TERB2: variants seen among roughly 807,000 people sequenced by gnomAD.
The protein encoded by TERB2 is telomere repeat binding bouquet formation protein 2, also known as telomere repeats-binding bouquet formation protein 2.
Under a neutral mutation model 29.8 loss-of-function variants are expected in TERB2, and 26 were observed. That is an observed-to-expected ratio of 0.87 (90% CI 0.64 to 1.21). The LOEUF (loss-of-function observed/expected upper bound fraction) is 1.21, where lower values mean the gene tolerates loss of function less well. Among genes scored for constraint, TERB2 ranks in the 50% most tolerant of loss-of-function variants. The pLI is 0.00. For synonymous variants in TERB2, 80 were observed against 90.8 expected, an observed-to-expected ratio of 0.88 and a Z score of 0.68; for missense variants, 240 against 268.6, an observed-to-expected ratio of 0.89 and a Z score of 0.74.
intron 6 of TERB2, among the ~76,000 whole-genome samples, chr15:44,974,431 A>T (rs1020714481): frequency 1.3e-5 from 2 of 152,186 alleles, no homozygotes; most frequent in Non-Finnish European, 2.9e-5. Context: ...AACATAACAC[A>T]CAAACTTTGC....
At chr15:44,971,483 C>G (rs1420182910) in intron 5 of TERB2, among the ~76,000 whole-genome samples, 1 of 152,112 alleles carries the variant, frequency 6.6e-6, no homozygotes, top group Non-Finnish European at 1.5e-5. Context: ...CAGCTGGGTG[C>G]GGTGGCTCAC....
intron 5 of TERB2, among the ~76,000 whole-genome samples, chr15:44,971,345 A>T (rs1464992351): frequency 6.6e-6 from 1 of 152,216 alleles, no homozygotes; most frequent in South Asian, 2.1e-4. Context: ...TATTGGTCTT[A>T]TATCTACCCA....
intron 3 of TERB2, among the ~76,000 whole-genome samples, chr15:44,961,119 T>A (rs916294073): frequency 2.7e-5 from 4 of 150,360 alleles, no homozygotes; most frequent in Non-Finnish European, 5.9e-5. Flanking sequence ...GATACAGATA[T>A]AGATATTGAT....
At chr15:44,956,857 G>A (rs1281588073) in intron 1 of TERB2, 39 bp from the exon 2 acceptor site, 65 of 1,612,252 alleles carry the variant, frequency 4.0e-5, no homozygotes, top group Non-Finnish European at 5.3e-5. Flanking sequence ...TTGGGTCCAG[G>A]GTGCTTGATA....
At chr15:44,966,130 A>T (rs540973128) in intron 4 of TERB2, 28 bp from the exon 5 acceptor site, 69 of 1,389,804 alleles carry the variant, frequency 5.0e-5, no homozygotes, top group African/African-American at 4.4e-4. Flanking sequence ...ACGATTTTTT[A>T]AAATGTGATT....
Position 44,978,784 on chromosome 15 carries a change from T to C in TERB2, c.*156T>C, listed in dbSNP as rs1775339430. On this transcript the variant is annotated 3_prime_UTR_variant, in exon 7 of 7. Coordinates refer to ENST00000340827, the MANE Select transcript of TERB2 (RefSeq NM_152448.3). ...TATCTTTAGGAAATACAGAATCATT[T>C]TGGTTCTGTGTTTTGACATTTTTCC... 13 of 1,069,422 alleles carry C rather than the reference T, an allele frequency of 1.2e-5. No individual in the cohort carries two copies. The highest frequency in any genetic ancestry group is 1.6e-5 in the Non-Finnish European group (13 of 819,534). 66.2% of individuals were successfully genotyped at this position (1,069,422 alleles called of 1,614,324 possible). A position where few individuals can be genotyped will look rare whatever the true frequency, so the allele number is the denominator to read the frequency against.
Position 44,962,347 on chromosome 15 carries a change from AT to A in TERB2, c.348+778del, listed in dbSNP as rs34169916. 8.8e-3 allele frequency among the ~76,000 whole-genome samples: 1,203 copies of A among 136,846 alleles called. 3 individuals are homozygous for A. The highest frequency in any genetic ancestry group is 0.011 in the Middle Eastern group (3 of 270). 89.8% of individuals were successfully genotyped at this position (136,846 alleles called of 152,430 possible). On this transcript the variant is annotated intron_variant, in intron 4 of 6. Transcript: ENST00000340827. ...CGGGCGCCAGCCACCAAGCCCAGCT[AT>A]TTTTTTTTTTTTTTGTATTTTTAGT...
At chr15:44,968,595 T>C (rs1891923199) in intron 5 of TERB2, among the ~76,000 whole-genome samples, 1 of 140,696 alleles carries the variant, frequency 7.1e-6, no homozygotes, top group African/African-American at 2.7e-5. Flanking sequence ...TTTTTTTTTT[T>C]TTTTTTTTTT....
At chr15:44,973,751 T>C in intron 5 of TERB2, 116 bp from the exon 6 acceptor site, 2 of 751,668 alleles carry the variant, frequency 2.7e-6, no homozygotes, top group Non-Finnish European at 3.4e-6. Flanking sequence ...TATACTATAG[T>C]AAAGGTAATT....
intron 5 of TERB2, among the ~76,000 whole-genome samples, chr15:44,968,584 CTTTTTTTTTTTT>C (rs34188520): frequency 1.0e-5 from 1 of 98,500 alleles, no homozygotes; most frequent in African/African-American, 4.5e-5. Context: ...TTTGTTTAAC[CTTTTTTTTTTTT>C]TTTTTTTTTT....
intron 5 of TERB2, among the ~76,000 whole-genome samples, chr15:44,971,656 G>A (rs1891971075): frequency 6.6e-6 from 1 of 152,028 alleles, no homozygotes; most frequent in African/African-American, 2.4e-5. Context: ...TTGGGAGGCT[G>A]AGGCAGGAAA....
rs202094227 is a variant in TERB2, at chr15:44,966,243, G to T, written c.434G>T (p.Ser145Ile). 5.0e-5 allele frequency: 76 copies of T among 1,527,228 alleles called. No individual in the cohort carries two copies. Among genetic ancestry groups the T allele is most frequent in the Non-Finnish European group, 5.8e-5 (66 of 1,140,454 alleles). 94.6% of individuals were successfully genotyped at this position (1,527,228 alleles called of 1,614,324 possible). The change falls in exon 5 of 7, where the codon AGC becomes ATC. Residue 145 changes from serine (S) to isoleucine (I), a missense_variant and splice_region_variant. Coordinates refer to ENST00000340827, the MANE Select transcript of TERB2 (RefSeq NM_152448.3). ...ATEHKKELSKSPEKHFIRTPV... is the reference protein window; with the variant it reads ...ATEHKKELSKIPEKHFIRTPV... ...GAGCACAAAAAAGAATTATCCAAAA[G>T]GTATTGAATTCAGAAACTTCATTAA...
intron 5 of TERB2, 67 bp downstream of exon 5, chr15:44,966,310 CTTA>C: frequency 1.1e-6 from 1 of 916,222 alleles, no homozygotes; most frequent in Non-Finnish European, 1.5e-6. Flanking sequence ...TGATTGTGTG[CTTA>C]TCTCATTTAA....
chr15:44,958,282 C>A, intron 2 of TERB2, 91 bp from the exon 3 acceptor site: 1 of 1,424,508 alleles, frequency 7.0e-7, no homozygotes, highest in Non-Finnish European at 9.4e-7. Context: ...GTAATCGTCT[C>A]CCTACTTCCA....
At chr15:44,960,005 A>C (rs1891776739) in intron 3 of TERB2, among the ~76,000 whole-genome samples, 1 of 152,218 alleles carries the variant, frequency 6.6e-6, no homozygotes, top group Admixed American at 6.5e-5. Flanking sequence ...GTAGTTACAT[A>C]AATCAATTAA....
Position 44,978,536 on chromosome 15 carries a change from G to C in TERB2, c.571G>C (p.Asp191His). 6.2e-7 allele frequency: 1 copy of C among 1,609,730 alleles called. No individual in the cohort carries two copies. Among genetic ancestry groups the C allele is most frequent in the Non-Finnish European group, 8.5e-7 (1 of 1,177,712 alleles). ...GAAGAAATTCCTTGGGGAGCTACATGACTTCATTCCTGGAACCTCAGGATA... is the reference window on the plus strand; with the variant it reads ...GAAGAAATTCCTTGGGGAGCTACATCACTTCATTCCTGGAACCTCAGGATA... ...AMKKFLGELH[D>H]FIPGTSGYLA... Residue 191 changes from aspartate to histidine, a missense_variant, in exon 7 of 7, where the codon GAC becomes CAC. By Grantham distance (81) the Asp-to-His change is moderately conservative. Transcript: ENST00000340827.
At chr15:44,960,399 G>C (rs1891782487) in intron 3 of TERB2, among the ~76,000 whole-genome samples, 1 of 152,084 alleles carries the variant, frequency 6.6e-6, no homozygotes, top group South Asian at 2.1e-4. Context: ...AGCTACTCTA[G>C]AGGCTGAGAT....
At chr15:44,970,288 A>G (rs1046986983) in intron 5 of TERB2, 24 of 250,718 alleles carry the variant, frequency 9.6e-5, no homozygotes, top group East Asian at 8.9e-4. Context: ...CCTGGTAAAG[A>G]GGAAGATGTA....
chr15:44,964,761 T>C (rs1373040285), intron 4 of TERB2, among the ~76,000 whole-genome samples: 3 of 152,194 alleles, frequency 2.0e-5, no homozygotes, highest in Non-Finnish European at 2.9e-5. Flanking sequence ...AATGTAACCA[T>C]AGAATATATA....
Sources: allele counts gnomAD v4.1 joint callset (sites outside exome capture counted in the v4.1 genomes callset), GRCh38; gene constraint gnomAD v4.1.1; transcripts MANE v1.5; gene names NCBI Gene and HGNC (gene_info 2026-07-23, HGNC 2026-07-21).